The following PTPRJ variants were observed in gnomAD, a reference collection of about 807,000 sequenced individuals.
PTPRJ encodes receptor-type tyrosine-protein phosphatase eta.
Under a neutral mutation model 141.3 loss-of-function variants are expected in PTPRJ, and 129 were observed. The observed-to-expected ratio is 0.91, with a 90% confidence interval of 0.79 to 1.06. The LOEUF (loss-of-function observed/expected upper bound fraction) is 1.06, where lower values mean the gene tolerates loss of function less well. Ranked by LOEUF, PTPRJ falls within the 50% of genes least tolerant of loss-of-function variation. The pLI, the probability that PTPRJ is intolerant of heterozygous loss-of-function variation, is 0.00. For missense variants in PTPRJ, 1,601 were observed against 1,679.7 expected, an observed-to-expected ratio of 0.95 and a Z score of 0.82; for synonymous variants, 610 against 640.5, an observed-to-expected ratio of 0.95 and a Z score of 0.72.
intron 1 of PTPRJ, among the ~76,000 whole-genome samples, chr11:48,092,614 G>A (rs2134301066): frequency 6.6e-6 from 1 of 152,186 alleles, no homozygotes; most frequent in South Asian, 2.1e-4. Flanking sequence ...ATTTTTAGTA[G>A]AGACAGGGTT....
intron 1 of PTPRJ, among the ~76,000 whole-genome samples, chr11:48,066,012 T>G (rs1470289900): frequency 6.6e-6 from 1 of 152,198 alleles, no homozygotes; most frequent in Admixed American, 6.5e-5. Context: ...CTGGGCACGG[T>G]GGTGTGCACC....
chr11:48,075,997 C>G lies in PTPRJ; in HGVS notation c.97-34061C>G, dbSNP rs938375399. Among the ~76,000 whole-genome samples, 9 of 152,304 alleles carry G rather than the reference C, an allele frequency of 5.9e-5. No individual in the cohort carries two copies. The Middle Eastern group carries it at 0.01, about 173-fold the overall frequency. ...ATCCCATTTCCATCTGAAAGGCCCC[C>G]TTGTTCATGAAGCCTCTCATGGTCC... On this transcript the variant is annotated intron_variant, in intron 1 of 24. Transcript: ENST00000418331.
At chr11:48,030,448 T>C (rs900183913) in intron 1 of PTPRJ, among the ~76,000 whole-genome samples, 3 of 152,164 alleles carry the variant, frequency 2.0e-5, no homozygotes, top group Admixed American at 2.0e-4. Flanking sequence ...CCATCCCCCT[T>C]GTCTGAGTCA....
At chr11:48,141,917 CA>C (rs57915980) in intron 11 of PTPRJ, among the ~76,000 whole-genome samples, 4,003 of 148,368 alleles carry the variant, frequency 0.027, 139 homozygotes, top group South Asian at 0.15. Context: ...AATACTATGT[CA>C]AGAAGCTCTT....
At chr11:47,988,362 A>G (rs1384664778) in intron 1 of PTPRJ, among the ~76,000 whole-genome samples, 1 of 151,622 alleles carries the variant, frequency 6.6e-6, no homozygotes, top group African/African-American at 2.4e-5. Context: ...TTTTTGAGAC[A>G]CGGTCTCAGT....
At chr11:48,091,985 C>T (rs1018543427) in intron 1 of PTPRJ, among the ~76,000 whole-genome samples, 1 of 152,084 alleles carries the variant, frequency 6.6e-6, no homozygotes, top group African/African-American at 2.4e-5. Flanking sequence ...CTGGAGTCCC[C>T]TGGGTGCTGT....
At chr11:48,023,130 C>A (rs1054492770) in intron 1 of PTPRJ, among the ~76,000 whole-genome samples, 1 of 150,402 alleles carries the variant, frequency 6.6e-6, no homozygotes, top group Non-Finnish European at 1.5e-5. Context: ...AGAGTGTAGA[C>A]GAGAGAGTAA....
chr11:48,110,443 C>T (rs1041154997), intron 2 of PTPRJ, among the ~76,000 whole-genome samples: 1 of 152,242 alleles, frequency 6.6e-6, no homozygotes, highest in Non-Finnish European at 1.5e-5. Context: ...AGGTGATCCG[C>T]CCGCCTTGGC....
At chr11:48,062,251 T>C (rs898493038) in intron 1 of PTPRJ, among the ~76,000 whole-genome samples, 1 of 149,294 alleles carries the variant, frequency 6.7e-6, no homozygotes, top group Admixed American at 6.7e-5. Context: ...CGGTGGCTCA[T>C]GCCTGTAATC....
intron 3 of PTPRJ, among the ~76,000 whole-genome samples, chr11:48,114,115 T>C (rs1384348429): frequency 6.6e-6 from 1 of 152,190 alleles, no homozygotes; most frequent in Non-Finnish European, 1.5e-5. Flanking sequence ...GTCATTGAAT[T>C]ATTTCTAGGG....
At chr11:48,041,470 A>G (rs1178714287) in intron 1 of PTPRJ, among the ~76,000 whole-genome samples, 1 of 152,206 alleles carries the variant, frequency 6.6e-6, no homozygotes, top group Non-Finnish European at 1.5e-5. Context: ...CATCACAAAA[A>G]TAAAGAAACC....
chr11:48,151,561 C>T (rs112259938), intron 18 of PTPRJ, among the ~76,000 whole-genome samples: 258 of 150,736 alleles, frequency 1.7e-3, no homozygotes, highest in Non-Finnish European at 2.2e-3. Flanking sequence ...CCCATTAACT[C>T]ATCATTTACA....
intron 1 of PTPRJ, among the ~76,000 whole-genome samples, chr11:48,100,451 A>C (rs191317878): frequency 3.3e-5 from 5 of 152,324 alleles, no homozygotes; most frequent in Admixed American, 3.3e-4. Context: ...TAGATTATAT[A>C]ATTTAATACT....
At chr11:48,083,075 C>T (rs1855607605) in intron 1 of PTPRJ, among the ~76,000 whole-genome samples, 1 of 152,188 alleles carries the variant, frequency 6.6e-6, no homozygotes, top group African/African-American at 2.4e-5. Flanking sequence ...GCTCTCAGCT[C>T]TTCTAGGGCA....
intron 1 of PTPRJ, among the ~76,000 whole-genome samples, chr11:47,996,062 G>A (rs1854326763): frequency 6.6e-6 from 1 of 151,506 alleles, no homozygotes; most frequent in Non-Finnish European, 1.5e-5. Flanking sequence ...GGCTGGGTGC[G>A]GTGGCTTACG....
chr11:48,096,184 G>A (rs1391626985), intron 1 of PTPRJ, among the ~76,000 whole-genome samples: 1 of 152,200 alleles, frequency 6.6e-6, no homozygotes, highest in Non-Finnish European at 1.5e-5. Context: ...AGCACACAAA[G>A]CAAAGCACGG....
chr11:48,119,282 A>T (rs971032384), intron 3 of PTPRJ, among the ~76,000 whole-genome samples: 2 of 152,206 alleles, frequency 1.3e-5, no homozygotes, highest in African/African-American at 2.4e-5. Context: ...GTCACTTTAT[A>T]AAGAGGAAAT....
intron 1 of PTPRJ, among the ~76,000 whole-genome samples, chr11:48,080,946 A>G (rs1214098307): frequency 1.3e-5 from 2 of 152,252 alleles, no homozygotes; most frequent in Non-Finnish European, 2.9e-5. Context: ...AAAAGAATGA[A>G]TGAATACAGA....
At chr11:48,026,097 A>G (rs1243077964) in intron 1 of PTPRJ, among the ~76,000 whole-genome samples, 10 of 152,092 alleles carry the variant, frequency 6.6e-5, no homozygotes, top group Non-Finnish European at 1.3e-4. Flanking sequence ...CTGCATCTCC[A>G]CCACAGCCCT....
Sources: gnomAD v4.1 joint callset for allele counts (sites outside exome capture counted in the v4.1 genomes callset) on GRCh38, gnomAD v4.1.1 for gene constraint, MANE v1.5 for transcripts, NCBI Gene and HGNC (gene_info 2026-07-23, HGNC 2026-07-21) for gene names.